The following RASGEF1A variants were observed in gnomAD, a reference collection of about 807,000 sequenced individuals.
The protein encoded by RASGEF1A is RasGEF domain family member 1A.
A neutral mutation model predicts 56.4 loss-of-function variants in RASGEF1A; 18 were observed. That is an observed-to-expected ratio of 0.32 (90% CI 0.22 to 0.47). The LOEUF is 0.47. Ranked by LOEUF, RASGEF1A falls within the 20% of genes least tolerant of loss-of-function variation. The pLI, the probability that RASGEF1A is intolerant of heterozygous loss-of-function variation, is 1.00. For missense variants in RASGEF1A, 422 were observed against 627.1 expected, an observed-to-expected ratio of 0.67 and a Z score of 3.49; for synonymous variants, 245 against 242.6, an observed-to-expected ratio of 1.01 and a Z score of -0.09.
intron 1 of RASGEF1A, among the ~76,000 whole-genome samples, chr10:43,218,024 C>A (rs922600838): frequency 2.6e-5 from 4 of 152,180 alleles, no homozygotes; most frequent in African/African-American, 9.7e-5. Flanking sequence ...AGGGAGTGGG[C>A]CCCACCCCAG....
intron 3 of RASGEF1A, chr10:43,202,648 G>GCCCCCCCCC (rs1207600754): frequency 2.2e-6 from 1 of 459,812 alleles, no homozygotes; most frequent in Non-Finnish European, 4.5e-6. Flanking sequence ...CCCGCCCCCG[G>GCCCCCCCCC]CCCCCGCACC....
At chr10:43,232,846 A>T (rs1427760282) in intron 1 of RASGEF1A, among the ~76,000 whole-genome samples, 1 of 152,174 alleles carries the variant, frequency 6.6e-6, no homozygotes, top group Non-Finnish European at 1.5e-5. Context: ...GCTCCCTCTC[A>T]GAGTCCACCC....
intron 1 of RASGEF1A, among the ~76,000 whole-genome samples, chr10:43,257,725 T>C (rs1350742780): frequency 6.6e-6 from 1 of 152,232 alleles, no homozygotes; most frequent in Non-Finnish European, 1.5e-5. Flanking sequence ...GAGCCAGCCC[T>C]GGCCCTGCAT....
rs533056416 is a variant in RASGEF1A at position 43,264,524 on chromosome 10, G to C, written c.-7+2321C>G. 3.3e-5 allele frequency among the ~76,000 whole-genome samples: 5 copies of C among 151,890 alleles called. No homozygotes were observed. The East Asian group carries it at 9.9e-4, about 30-fold the overall frequency. ...TCCTCCCCAGCAGGGAGTGGGCAGG[G>C]GAGGGCAGAGGAGCCGGGAGGCAGG... is the stretch of plus-strand genomic sequence containing the variant. On this transcript the variant is annotated intron_variant, in intron 1 of 12. Transcript: ENST00000395810.
At chr10:43,226,378 T>C (rs1271329006) in intron 1 of RASGEF1A, among the ~76,000 whole-genome samples, 2 of 151,782 alleles carry the variant, frequency 1.3e-5, no homozygotes, top group Non-Finnish European at 2.9e-5. Flanking sequence ...GAGGTGGAGG[T>C]TGCAGTGAGA....
At chr10:43,233,185 G>T (rs982515980) in intron 1 of RASGEF1A, among the ~76,000 whole-genome samples, 2 of 152,114 alleles carry the variant, frequency 1.3e-5, no homozygotes, top group African/African-American at 2.4e-5. Context: ...TGGTTCATTC[G>T]TCTGCTCTCC....
intron 1 of RASGEF1A, among the ~76,000 whole-genome samples, chr10:43,247,390 C>T (rs974095834): frequency 1.3e-5 from 2 of 152,130 alleles, no homozygotes; most frequent in Non-Finnish European, 2.9e-5. Flanking sequence ...ATCATAGGAC[C>T]CAACAATTCC....
intron 1 of RASGEF1A, among the ~76,000 whole-genome samples, chr10:43,230,367 A>C (rs1289692921): frequency 6.6e-6 from 1 of 152,196 alleles, no homozygotes; most frequent in Non-Finnish European, 1.5e-5. Flanking sequence ...CACATGGCAC[A>C]GTGAGGCTCC....
chr10:43,218,877 T>C (rs758581150), intron 1 of RASGEF1A, among the ~76,000 whole-genome samples: 21 of 152,258 alleles, frequency 1.4e-4, no homozygotes, highest in Non-Finnish European at 2.8e-4. Context: ...TCCTTCTGAA[T>C]TCCCTTCTAT....
rs1839988348 is a variant in RASGEF1A, at chr10:43,205,933, C to T, written c.184G>A (p.Asp62Asn). ...ALMEHLVPTV[D>N]YYPDRTYIFT... ...CACGTACTCACATCGGGGTAATAGTCCACCGTGGGAACAAGGTGCTCCATC... is the reference window on the plus strand; with the variant it reads ...CACGTACTCACATCGGGGTAATAGTTCACCGTGGGAACAAGGTGCTCCATC... The change falls in exon 2 of 13, where the codon GAC (aspartate) becomes AAC (asparagine). Residue 62 changes from aspartate (D) to asparagine (N), a missense_variant. Asp to Asn is a conservative substitution (Grantham distance 23, BLOSUM62 1). Transcript: ENST00000395810. 1 of 1,612,784 alleles carries T rather than the reference C, an allele frequency of 6.2e-7. No homozygotes were observed. The highest frequency in any genetic ancestry group is 1.7e-5 in the Admixed American group (1 of 59,992).
intron 1 of RASGEF1A, among the ~76,000 whole-genome samples, chr10:43,248,250 G>A (rs1021606137): frequency 1.3e-5 from 2 of 151,786 alleles, no homozygotes; most frequent in African/African-American, 4.8e-5. Context: ...CAGCTACTTG[G>A]GAGGCTGAGC....
At chr10:43,198,902 C>T in intron 9 of RASGEF1A, 31 bp downstream of exon 9, 2 of 1,580,600 alleles carry the variant, frequency 1.3e-6, no homozygotes, top group Non-Finnish European at 8.6e-7. Flanking sequence ...ATGGGTGCAG[C>T]TCGCAGCTGT....
chr10:43,206,761 A>G, intron 1 of RASGEF1A: 1 of 986,534 alleles, frequency 1.0e-6, no homozygotes, highest in East Asian at 1.1e-4. Flanking sequence ...AGGAGTGGCG[A>G]GCAGGGCCAC....
intron 1 of RASGEF1A, among the ~76,000 whole-genome samples, chr10:43,216,248 C>G (rs998229802): frequency 6.6e-6 from 1 of 152,192 alleles, no homozygotes; most frequent in Non-Finnish European, 1.5e-5. Flanking sequence ...CCATTGCCAT[C>G]GGTACTCAGG....
chr10:43,221,538 C>A (rs949889041), intron 1 of RASGEF1A, among the ~76,000 whole-genome samples: 2 of 152,198 alleles, frequency 1.3e-5, no homozygotes, highest in Non-Finnish European at 2.9e-5. Flanking sequence ...CCCAGGGCAA[C>A]CAGCACAGGG....
intron 1 of RASGEF1A, among the ~76,000 whole-genome samples, chr10:43,246,777 G>T (rs1840571255): frequency 6.6e-6 from 1 of 152,154 alleles, no homozygotes; most frequent in South Asian, 2.1e-4. Flanking sequence ...AATTCCAATG[G>T]ATCAAAGACA....
chr10:43,237,042 T>C (rs997751610), intron 1 of RASGEF1A, among the ~76,000 whole-genome samples: 6 of 151,712 alleles, frequency 4.0e-5, no homozygotes, highest in African/African-American at 7.3e-5. Context: ...CAGTCTAACA[T>C]TGTAGGGTAT....
intron 1 of RASGEF1A, among the ~76,000 whole-genome samples, chr10:43,232,103 C>T (rs1185933815): frequency 6.6e-6 from 1 of 152,248 alleles, no homozygotes; most frequent in Non-Finnish European, 1.5e-5. Context: ...GGACAGGAGG[C>T]TGGACTCCCG....
At chr10:43,251,253 C>T (rs1175998306) in intron 1 of RASGEF1A, among the ~76,000 whole-genome samples, 1 of 152,182 alleles carries the variant, frequency 6.6e-6, no homozygotes, top group Admixed American at 6.5e-5. Context: ...CAGCGGCAGC[C>T]GCCTGGGGCC....
Sources: gnomAD v4.1 joint callset for allele counts (sites outside exome capture counted in the v4.1 genomes callset) on GRCh38, gnomAD v4.1.1 for gene constraint, MANE v1.5 for transcripts, NCBI Gene and HGNC (gene_info 2026-07-23, HGNC 2026-07-21) for gene names.